The following EPHA6 variants were observed in gnomAD, a reference collection of about 807,000 sequenced individuals.
The protein encoded by EPHA6 is ephrin type-A receptor 6.
EPHA6 carries 50 observed loss-of-function variants against 112.0 expected under a neutral mutation model. The ratio of observed to expected loss-of-function variants is 0.45; its 90% CI spans 0.36 to 0.56. The LOEUF (loss-of-function observed/expected upper bound fraction) is 0.56. Ranked by LOEUF, EPHA6 falls within the 20% of genes least tolerant of loss-of-function variation. The pLI is 0.00. For synonymous variants in EPHA6, 529 were observed against 490.7 expected, an observed-to-expected ratio of 1.08 and a Z score of -1.03; for missense variants, 1,280 against 1,417.4, an observed-to-expected ratio of 0.90 and a Z score of 1.56.
chr3:97,134,923 G>A (rs920443663), intron 3 of EPHA6, among the ~76,000 whole-genome samples: 11 of 152,042 alleles, frequency 7.2e-5, no homozygotes, highest in Non-Finnish European at 1.5e-4. Context: ...AATCTTCCCT[G>A]GTTGATGAAA....
At chr3:97,575,672 T>C (rs1456493805) in intron 11 of EPHA6, among the ~76,000 whole-genome samples, 1 of 152,206 alleles carries the variant, frequency 6.6e-6, no homozygotes, top group Non-Finnish European at 1.5e-5. Flanking sequence ...AGTATTATTT[T>C]TAAATCTGTG....
At chr3:97,234,122 A>C (rs2078612950) in intron 4 of EPHA6, among the ~76,000 whole-genome samples, 2 of 152,220 alleles carry the variant, frequency 1.3e-5, no homozygotes, top group South Asian at 2.1e-4. Flanking sequence ...AAAGATTATT[A>C]GGTGTCTCAA....
In EPHA6 at chr3:97,243,988, T is replaced by C. The variant is rs201738877; in HGVS notation, c.1307T>C (p.Ile436Thr). ...PSAPRNVVFN[I>T]NETALILEWS... ...GCTCCTAGGAATGTGGTTTTTAACA[T>C]CAATGAAACAGCCCTTATTTTGGAA... The change falls in exon 5 of 18, where the codon ATC (isoleucine) becomes ACC (threonine). Residue 436 changes from isoleucine to threonine, a missense_variant. By Grantham distance (89) the Ile-to-Thr change is moderately conservative (BLOSUM62 -1). Coordinates refer to ENST00000389672, the MANE Select transcript of EPHA6 (RefSeq NM_001080448.3). 5.6e-6 allele frequency: 9 copies of C among 1,611,554 alleles called. No individual in the cohort carries two copies. The East Asian group carries it at 2.0e-4, about 36-fold the overall frequency.
intron 5 of EPHA6, among the ~76,000 whole-genome samples, chr3:97,285,652 T>TGCA (rs1467293898): frequency 0.018 from 2,687 of 152,246 alleles, 70 homozygotes; most frequent in African/African-American, 0.059. Context: ...TCCATATATT[T>TGCA]GCTATTGCAA....
At chr3:97,029,902 T>A (rs927446407) in intron 3 of EPHA6, among the ~76,000 whole-genome samples, 10 of 152,104 alleles carry the variant, frequency 6.6e-5, no homozygotes, top group African/African-American at 2.4e-4. Flanking sequence ...ATGGTGGCAG[T>A]ATCAGTTGGT....
intron 5 of EPHA6, among the ~76,000 whole-genome samples, chr3:97,402,458 T>C (rs2109113233): frequency 6.6e-6 from 1 of 152,246 alleles, no homozygotes; most frequent in African/African-American, 2.4e-5. Flanking sequence ...ATAGCTATTC[T>C]TGCTTGTTTT....
intron 5 of EPHA6, among the ~76,000 whole-genome samples, chr3:97,266,209 G>A (rs2079676653): frequency 6.6e-6 from 1 of 152,148 alleles, no homozygotes; most frequent in African/African-American, 2.4e-5. Context: ...CTTAACTAAT[G>A]TGAAAATAGA....
At chr3:97,619,367 C>T (rs776460486) in intron 13 of EPHA6, among the ~76,000 whole-genome samples, 6 of 150,078 alleles carry the variant, frequency 4.0e-5, no homozygotes, top group Non-Finnish European at 8.9e-5. Flanking sequence ...ACAAGGATGC[C>T]CTATCTCACC....
intron 11 of EPHA6, among the ~76,000 whole-genome samples, chr3:97,541,589 G>T (rs1277324868): frequency 6.6e-6 from 1 of 151,988 alleles, no homozygotes; most frequent in Non-Finnish European, 1.5e-5. Context: ...TTGTTATCAC[G>T]TCTCATTAGT....
At chr3:97,162,507 A>G (rs2076438070) in intron 3 of EPHA6, among the ~76,000 whole-genome samples, 1 of 152,132 alleles carries the variant, frequency 6.6e-6, no homozygotes, top group African/African-American at 2.4e-5. Context: ...CCCTACTCTA[A>G]CTGGTAGACC....
intron 3 of EPHA6, among the ~76,000 whole-genome samples, chr3:97,100,370 A>T (rs1280409430): frequency 6.6e-6 from 1 of 151,692 alleles, no homozygotes; most frequent in East Asian, 1.9e-4. Context: ...TATCAGGCAG[A>T]CAAATTAACA....
At chr3:97,557,648 T>G (rs1257486180) in intron 11 of EPHA6, among the ~76,000 whole-genome samples, 1 of 151,952 alleles carries the variant, frequency 6.6e-6, no homozygotes, top group Admixed American at 6.6e-5. Flanking sequence ...TTTTCTTCAG[T>G]TATTTCTTTG....
chr3:97,083,179 A>AC (rs1405590196), intron 3 of EPHA6, among the ~76,000 whole-genome samples: 3 of 151,900 alleles, frequency 2.0e-5, no homozygotes, highest in Non-Finnish European at 4.4e-5. Flanking sequence ...CCTCAAATTC[A>AC]CTTTTCCTGC....
chr3:97,571,424 A>G (rs1264181403), intron 11 of EPHA6, among the ~76,000 whole-genome samples: 2 of 152,164 alleles, frequency 1.3e-5, no homozygotes, highest in African/African-American at 2.4e-5. Flanking sequence ...AAGCAATTGC[A>G]TATGTTAGGC....
chr3:97,130,607 T>C (rs758164608), intron 3 of EPHA6, among the ~76,000 whole-genome samples: 1 of 152,162 alleles, frequency 6.6e-6, no homozygotes, highest in Non-Finnish European at 1.5e-5. Context: ...TTTCCACTTA[T>C]ACACATCCTA....
intron 14 of EPHA6, among the ~76,000 whole-genome samples, chr3:97,716,946 T>C (rs2034266780): frequency 6.6e-6 from 1 of 151,972 alleles, no homozygotes; most frequent in South Asian, 2.1e-4. Flanking sequence ...CCAGGTGTGG[T>C]GGGCCTGTAA....
At chr3:97,235,257 A>G (rs1306953221) in intron 4 of EPHA6, among the ~76,000 whole-genome samples, 4 of 152,108 alleles carry the variant, frequency 2.6e-5, no homozygotes, top group Non-Finnish European at 5.9e-5. Context: ...TACCTGGCAT[A>G]TAGTAGACAC....
At chr3:97,448,443 C>A in intron 6 of EPHA6, 125 bp from the exon 7 acceptor site, 1 of 984,678 alleles carries the variant, frequency 1.0e-6, no homozygotes, top group Non-Finnish European at 1.5e-6. Flanking sequence ...ACCATGCTAA[C>A]ACTACTTTGT....
intron 14 of EPHA6, among the ~76,000 whole-genome samples, chr3:97,688,186 G>A (rs191778172): frequency 7.3e-4 from 111 of 152,212 alleles, no homozygotes; most frequent in Non-Finnish European, 1.2e-3. Context: ...GGAAATTTCT[G>A]ATTGTGTCTT....
Sources: allele counts gnomAD v4.1 joint callset (sites outside exome capture counted in the v4.1 genomes callset), GRCh38; gene constraint gnomAD v4.1.1; transcripts MANE v1.5; gene names NCBI Gene and HGNC (gene_info 2026-07-23, HGNC 2026-07-21).